The following DLGAP2 variants were observed in gnomAD, a reference collection of about 807,000 sequenced individuals.
The protein encoded by DLGAP2 is DLG associated protein 2.
DLGAP2 carries 26 observed loss-of-function variants against 100.3 expected under a neutral mutation model. The observed-to-expected ratio is 0.26, with a 90% confidence interval of 0.19 to 0.36. The LOEUF (loss-of-function observed/expected upper bound fraction) is 0.36, where lower values mean the gene tolerates loss of function less well. DLGAP2 is among the 10% of genes least tolerant of loss of function. The pLI is 1.00. For synonymous variants in DLGAP2, 886 were observed against 630.1 expected (o/e 1.41, Z -6.08); for missense variants, 1,858 against 1,453.2 (o/e 1.28, Z -4.53).
intron 3 of DLGAP2, among the ~76,000 whole-genome samples, chr8:1,390,653 T>G (rs1247816735): frequency 1.3e-5 from 2 of 152,106 alleles, no homozygotes; most frequent in African/African-American, 4.8e-5. Flanking sequence ...ACCTCTCACC[T>G]CCATTGAGCC....
chr8:1,105,252 G>T (rs181531660), intron 2 of DLGAP2, among the ~76,000 whole-genome samples: 10 of 152,316 alleles, frequency 6.6e-5, no homozygotes, highest in African/African-American at 2.4e-4. Context: ...TACAACCGTG[G>T]TGCCTGAAAA....
At chr8:1,278,170 G>A (rs1215697479) in intron 3 of DLGAP2, among the ~76,000 whole-genome samples, 2 of 152,162 alleles carry the variant, frequency 1.3e-5, no homozygotes, top group African/African-American at 4.8e-5. Context: ...CTGTGTTCCA[G>A]CTCTTTCTCC....
intron 3 of DLGAP2, among the ~76,000 whole-genome samples, chr8:1,322,840 G>A (rs1342144836): frequency 6.6e-6 from 1 of 152,148 alleles, no homozygotes; most frequent in Non-Finnish European, 1.5e-5. Context: ...TCCTATATTT[G>A]TAGGTTTCTA....
intron 3 of DLGAP2, among the ~76,000 whole-genome samples, chr8:1,318,837 C>T (rs76613541): frequency 2.8e-5 from 4 of 144,650 alleles, no homozygotes; most frequent in South Asian, 2.3e-4. Context: ...CAACAGCTGC[C>T]GGAATGGTCT....
intron 3 of DLGAP2, among the ~76,000 whole-genome samples, chr8:1,362,467 C>G (rs762641719): frequency 1.3e-5 from 2 of 152,082 alleles, no homozygotes; most frequent in African/African-American, 2.4e-5. Flanking sequence ...CCATGTGCAG[C>G]CTCCGGCGGG....
At chr8:1,555,619 G>C (rs776346614) in intron 5 of DLGAP2, among the ~76,000 whole-genome samples, 1 of 152,154 alleles carries the variant, frequency 6.6e-6, no homozygotes, top group Non-Finnish European at 1.5e-5. Context: ...CTGTGCCTTC[G>C]AGCCTCTCAC....
At chr8:1,041,005 C>G (rs1359302004) in intron 2 of DLGAP2, among the ~76,000 whole-genome samples, 4 of 152,132 alleles carry the variant, frequency 2.6e-5, no homozygotes, top group African/African-American at 9.7e-5. Flanking sequence ...ATACCAAAAC[C>G]TCTACTTTCA....
rs753583566 is a variant in DLGAP2 at position 1,548,827 on chromosome 8, C to T, written c.374C>T (p.Ala125Val). The change falls in exon 5 of 15, where the codon GCC becomes GTC. Residue 125 changes from alanine to valine, a missense_variant. Physicochemically the swap from Ala to Val is moderately conservative, Grantham distance 64 (BLOSUM62 0). Transcript: ENST00000637795. ...DARPPYLLSP[A>V]DSCPGGRHRC... Reference sequence around the variant, plus strand: ...CGGCCGCCCTACCTGCTGAGCCCCGCCGACAGCTGCCCCGGGGGGCGCCAC... The same window carrying T: ...CGGCCGCCCTACCTGCTGAGCCCCGTCGACAGCTGCCCCGGGGGGCGCCAC... The T allele has an allele frequency of 2.5e-6, 4 of 1,580,130 alleles. No homozygotes were observed. Among genetic ancestry groups the T allele is most frequent in the East Asian group, 2.3e-5 (1 of 43,944 alleles).
In DLGAP2 at chr8:1,470,793, GACCCCTCCAGC is replaced by G. The variant is rs1563168500; in HGVS notation, c.107-30572_107-30562del. Among the ~76,000 whole-genome samples, 125 of 65,878 alleles carry G rather than the reference GACCCCTCCAGC, an allele frequency of 1.9e-3. 13 individuals are homozygous for G. Among genetic ancestry groups the G allele is most frequent in the African/African-American group, 4.2e-3 (77 of 18,314 alleles). The allele number at this position is 65,878 out of a possible 152,430, so 43.2% of individuals were successfully genotyped here. ...TTTCCCGACTCCCCCAGCCTTTCCC[GACCCCTCCAGC>G]CTTTCCCGACCCCTCCAGCCTTTCC... On this transcript the variant is annotated intron_variant, in intron 3 of 14. Transcript: ENST00000637795.
chr8:842,204 T>A (rs147359380), intron 1 of DLGAP2, among the ~76,000 whole-genome samples: 24 of 152,328 alleles, frequency 1.6e-4, no homozygotes, highest in African/African-American at 5.8e-4. Context: ...GTCCTTGTGG[T>A]TCTCTGGAGT....
intron 1 of DLGAP2, among the ~76,000 whole-genome samples, chr8:814,064 A>G (rs1281057183): frequency 2.6e-5 from 4 of 152,200 alleles, no homozygotes; most frequent in Non-Finnish European, 4.4e-5. Flanking sequence ...AACTCAGAAA[A>G]AGATCTAATG....
At chr8:1,430,952 A>G (rs1275183586) in intron 3 of DLGAP2, among the ~76,000 whole-genome samples, 1 of 152,202 alleles carries the variant, frequency 6.6e-6, no homozygotes, top group Non-Finnish European at 1.5e-5. Context: ...GGTTCTGGGC[A>G]AGTCATTACC....
At chr8:1,066,342 C>T (rs541233891) in intron 2 of DLGAP2, among the ~76,000 whole-genome samples, 5 of 149,208 alleles carry the variant, frequency 3.4e-5, no homozygotes, top group Non-Finnish European at 7.4e-5. Context: ...GAGGGCAGCT[C>T]CTCACCACGG....
chr8:1,185,780 A>C (rs183752741), intron 2 of DLGAP2, among the ~76,000 whole-genome samples: 171 of 152,026 alleles, frequency 1.1e-3, no homozygotes, highest in African/African-American at 4.0e-3. Flanking sequence ...TCAGCAGTGC[A>C]GTAGGAACCA....
chr8:1,371,376 G>A (rs1802232857), intron 3 of DLGAP2, among the ~76,000 whole-genome samples: 1 of 152,186 alleles, frequency 6.6e-6, no homozygotes, highest in Non-Finnish European at 1.5e-5. Context: ...GAGGTTCAGA[G>A]CAGTTGTCCG....
intron 2 of DLGAP2, among the ~76,000 whole-genome samples, chr8:1,255,120 C>T (rs1458914649): frequency 5.1e-3 from 607 of 119,920 alleles, no homozygotes; most frequent in Non-Finnish European, 7.0e-3. Flanking sequence ...TGTGTGTGTC[C>T]TCTCCTGCCC....
At chr8:1,372,942 G>T (rs73670793) in intron 3 of DLGAP2, among the ~76,000 whole-genome samples, 2,335 of 152,290 alleles carry the variant, frequency 0.015, 47 homozygotes, top group African/African-American at 0.051. Context: ...GTTATTCCAT[G>T]TGTCAGTGAA....
intron 1 of DLGAP2, among the ~76,000 whole-genome samples, chr8:794,439 A>C (rs1255681735): frequency 6.6e-6 from 1 of 152,230 alleles, no homozygotes; most frequent in Non-Finnish European, 1.5e-5. Flanking sequence ...CAAACCAGTC[A>C]TTAGCATTGT....
intron 4 of DLGAP2, among the ~76,000 whole-genome samples, chr8:1,520,069 C>T (rs758104519): frequency 1.3e-5 from 2 of 152,220 alleles, no homozygotes; most frequent in Non-Finnish European, 2.9e-5. Context: ...TGAGAGCTCT[C>T]TCTGCCCCTG....
Sources: gnomAD v4.1 joint callset for allele counts (sites outside exome capture counted in the v4.1 genomes callset) on GRCh38, gnomAD v4.1.1 for gene constraint, MANE v1.5 for transcripts, NCBI Gene and HGNC (gene_info 2026-07-23, HGNC 2026-07-21) for gene names.